The following SPAG17 variants were observed in gnomAD, a reference collection of about 807,000 sequenced individuals.
SPAG17 encodes the protein sperm-associated antigen 17.
In SPAG17, 169 loss-of-function variants were observed where a neutral mutation model predicts 273.6. That is an observed-to-expected ratio of 0.62 (90% CI 0.55 to 0.70). SPAG17 has a LOEUF of 0.70. Ranked by LOEUF, SPAG17 falls within the 30% of genes least tolerant of loss-of-function variation. SPAG17 has a pLI of 0.00. For missense variants in SPAG17, 2,557 were observed against 2,627.8 expected, an observed-to-expected ratio of 0.97 and a Z score of 0.59; for synonymous variants, 825 against 873.2, an observed-to-expected ratio of 0.94 and a Z score of 0.97.
intron 20 of SPAG17, among the ~76,000 whole-genome samples, chr1:118,048,879 G>C (rs1056037688): frequency 2.0e-5 from 3 of 152,108 alleles, no homozygotes; most frequent in Non-Finnish European, 2.9e-5. Flanking sequence ...CTGGGCGACA[G>C]AGCGAGACTC....
chr1:117,961,402 A>G (rs574311468), intron 48 of SPAG17: 1 of 152,324 alleles, frequency 6.6e-6, no homozygotes, highest in East Asian at 1.9e-4. Context: ...TGTTCTAGGA[A>G]AAGATATTGA....
intron 3 of SPAG17, among the ~76,000 whole-genome samples, chr1:118,123,365 T>C (rs1657528213): frequency 6.6e-6 from 1 of 152,032 alleles, no homozygotes. Context: ...GAGAGGGGGC[T>C]ATGGAGAGAA....
chr1:117,994,999 G>C (rs1044027898), intron 34 of SPAG17, among the ~76,000 whole-genome samples: 1 of 151,984 alleles, frequency 6.6e-6, no homozygotes, highest in Admixed American at 6.6e-5. Context: ...CCTTCACATC[G>C]CTCATGAGAT....
At chr1:117,981,831 A>T (rs1201767777) in intron 42 of SPAG17, among the ~76,000 whole-genome samples, 1 of 152,230 alleles carries the variant, frequency 6.6e-6, no homozygotes, top group East Asian at 1.9e-4. Context: ...TGTTAAATGT[A>T]TCTCTTTAAG....
intron 1 of SPAG17, among the ~76,000 whole-genome samples, chr1:118,151,690 T>A (rs968002614): frequency 2.0e-5 from 3 of 152,236 alleles, no homozygotes; most frequent in Non-Finnish European, 2.9e-5. Context: ...TTCATTCCTA[T>A]GTCACAAATA....
At chr1:118,135,397 G>GTGTGTGTGTA in intron 3 of SPAG17, among the ~76,000 whole-genome samples, 1 of 150,840 alleles carries the variant, frequency 6.6e-6, no homozygotes, top group African/African-American at 2.4e-5. Context: ...GTGTGTGTGT[G>GTGTGTGTGTA]TGTGTGTGTG....
At chr1:117,980,183 G>C (rs1487960493) in intron 43 of SPAG17, among the ~76,000 whole-genome samples, 1 of 152,114 alleles carries the variant, frequency 6.6e-6, no homozygotes, top group African/African-American at 2.4e-5. Context: ...AGAAGTTTAA[G>C]TCAGAAACAC....
intron 10 of SPAG17, among the ~76,000 whole-genome samples, chr1:118,090,832 A>G (rs1334313755): frequency 6.6e-6 from 1 of 152,162 alleles, no homozygotes; most frequent in African/African-American, 2.4e-5. Context: ...ATTGTGAACT[A>G]TGATTGTGCT....
In SPAG17 at chr1:118,086,923, G is replaced by A. The variant is rs1655041143; in HGVS notation, c.1445C>T (p.Ala482Val). The change falls in exon 11 of 49, where the codon GCT (alanine) becomes GTT (valine). Residue 482 changes from alanine to valine, a missense_variant. By Grantham distance (64) the Ala-to-Val change is moderately conservative. Transcript: ENST00000336338. ...TGAGGGCAGAAGGGACACAATGTGA[G>A]CTGCGATTCTGTGGTCTAGCCCGTC... ...RADGLDHRIA[A>V]HIVSLLPSLC... The A allele has an allele frequency of 6.2e-7, 1 of 1,612,684 alleles. No homozygotes were observed. Among genetic ancestry groups the A allele is most frequent in the Non-Finnish European group, 8.5e-7 (1 of 1,179,644 alleles).
At chr1:118,011,268 A>T (rs1015217264) in intron 30 of SPAG17, among the ~76,000 whole-genome samples, 3 of 152,204 alleles carry the variant, frequency 2.0e-5, no homozygotes, top group Non-Finnish European at 4.4e-5. Flanking sequence ...AGACACATAC[A>T]CACATATGTT....
intron 1 of SPAG17, among the ~76,000 whole-genome samples, chr1:118,179,505 A>C (rs1390416480): frequency 6.6e-6 from 1 of 152,056 alleles, no homozygotes; most frequent in Non-Finnish European, 1.5e-5. Context: ...AAAACATTGG[A>C]GAAATGTTTC....
At position 117,994,680 on chromosome 1, in the gene SPAG17, C is replaced by T. The variant is rs1321071741; in HGVS notation, c.5054-150G>A. 5.3e-6 allele frequency: 4 copies of T among 753,264 alleles called. No homozygotes were observed. The Admixed American group carries it at 1.4e-4, about 26-fold the overall frequency. The allele number at this position is 753,264 out of a possible 1,614,324, so 46.7% of individuals were successfully genotyped here. On this transcript the variant is annotated intron_variant, in intron 34 of 48. Transcript: ENST00000336338. ...ACAATGACTATACTTAGGAACCTTA[C>T]AATCAAATAAGAAGGATGAAGCTTT...
chr1:118,144,409 T>C (rs771325981), intron 3 of SPAG17, among the ~76,000 whole-genome samples: 1 of 152,202 alleles, frequency 6.6e-6, no homozygotes, highest in African/African-American at 2.4e-5. Flanking sequence ...AGCATTACTA[T>C]TTCTCCTCTT....
At chr1:118,045,361 G>C (rs771320646) in intron 20 of SPAG17, among the ~76,000 whole-genome samples, 1 of 152,110 alleles carries the variant, frequency 6.6e-6, no homozygotes, top group East Asian at 1.9e-4. Context: ...AATCTATCAC[G>C]CCCACATAAC....
At chr1:118,141,968 C>T (rs1048156486) in intron 3 of SPAG17, among the ~76,000 whole-genome samples, 11 of 152,270 alleles carry the variant, frequency 7.2e-5, no homozygotes, top group African/African-American at 2.4e-4. Flanking sequence ...TCTTCCCTTA[C>T]TTGCTTAATT....
intron 24 of SPAG17, among the ~76,000 whole-genome samples, chr1:118,033,283 C>T (rs1571297049): frequency 6.6e-6 from 1 of 152,114 alleles, no homozygotes; most frequent in African/African-American, 2.4e-5. Flanking sequence ...TCAATTAAGT[C>T]TCTCTTCTCC....
intron 20 of SPAG17, among the ~76,000 whole-genome samples, chr1:118,045,131 A>G (rs1450113442): frequency 6.6e-6 from 1 of 152,210 alleles, no homozygotes; most frequent in Non-Finnish European, 1.5e-5. Flanking sequence ...AGAAACAGAT[A>G]TTTGGTCATC....
Position 118,041,990 on chromosome 1 carries a change from T to C in SPAG17, c.2867A>G (p.Glu956Gly). Residue 956 changes from glutamate to glycine, a missense_variant, in exon 21 of 49, where the codon GAA becomes GGA. Glu to Gly is a moderately conservative substitution (Grantham distance 98). Transcript: ENST00000336338. The part of the protein sequence containing the change: ...RLAEEERLRE[E>G]KKAEKKGKEA... ...TTTACCCTTCTTCTCTGCTTTCTTT[T>C]CTTCCCTTAAGCGCTCCTCTTCTGC... is the stretch of plus-strand genomic sequence containing the variant. 1 of 1,614,074 alleles carries C rather than the reference T, an allele frequency of 6.2e-7. No homozygotes were observed. The highest frequency in any genetic ancestry group is 2.2e-5 in the East Asian group (1 of 44,868).
At chr1:118,049,904 G>C (rs1372210584) in intron 20 of SPAG17, among the ~76,000 whole-genome samples, 2 of 152,204 alleles carry the variant, frequency 1.3e-5, no homozygotes, top group Non-Finnish European at 2.9e-5. Flanking sequence ...TGGTGCCAGG[G>C]AAGGAGGCAT....
Sources: allele counts gnomAD v4.1 joint callset (sites outside exome capture counted in the v4.1 genomes callset), GRCh38; gene constraint gnomAD v4.1.1; transcripts MANE v1.5; gene names NCBI Gene and HGNC (gene_info 2026-07-23, HGNC 2026-07-21).